FBXO4: variants seen among roughly 807,000 people sequenced by gnomAD.
FBXO4 encodes F-box protein 4.
In FBXO4, 36 loss-of-function variants were observed where a neutral mutation model predicts 43.7. The ratio of observed to expected loss-of-function variants is 0.82; its 90% CI spans 0.63 to 1.09. FBXO4 has a LOEUF of 1.09. Among genes scored for constraint, FBXO4 ranks in the 50% least tolerant of loss-of-function variants. The pLI is 0.00. For synonymous variants in FBXO4, 180 were observed against 165.6 expected (o/e 1.09, Z -0.67); for missense variants, 435 against 474.1 (o/e 0.92, Z 0.77).
intron 5 of FBXO4, chr5:41,939,149 T>G: frequency 1.9e-5 from 4 of 213,454 alleles, no homozygotes; most frequent in Non-Finnish European, 2.8e-5. Context: ...AAGGTTGAGA[T>G]TGTTGGTATT....
rs1751899267 is a variant in FBXO4, at chr5:41,938,141, T to G, written c.899-1300T>G. ...ATGGAGCTATATATAAAAGGTTTTTTTCTAATTTTAATAAAAAAAACTAAT... is the reference window on the plus strand; with the variant it reads ...ATGGAGCTATATATAAAAGGTTTTTGTCTAATTTTAATAAAAAAAACTAAT... On this transcript the variant is annotated intron_variant, in intron 5 of 6. Transcript: ENST00000281623. Among the ~76,000 whole-genome samples, 3 of 152,164 alleles carry G rather than the reference T, an allele frequency of 2.0e-5. No homozygotes were observed. In the South Asian group the frequency reaches 6.2e-4, roughly 32 times the overall value.
At chr5:42,019,672 G>A in the FBXO4 span, among the ~76,000 whole-genome samples, 2 of 149,386 alleles carry the variant, frequency 1.3e-5, no homozygotes, top group African/African-American at 4.9e-5. Flanking sequence ...CAGCCTGGGT[G>A]AGACAGAGCA....
chr5:42,006,265 T>C, the FBXO4 span, among the ~76,000 whole-genome samples: 1 of 152,214 alleles, frequency 6.6e-6, no homozygotes, highest in Non-Finnish European at 1.5e-5. Flanking sequence ...CAGAAGTTCT[T>C]CATGGAAATG....
At chr5:41,959,028 G>C in the FBXO4 span, among the ~76,000 whole-genome samples, 1 of 152,094 alleles carries the variant, frequency 6.6e-6, no homozygotes, top group African/African-American at 2.4e-5. Flanking sequence ...ACATACAAAA[G>C]TTCTTTTCTC....
the FBXO4 span, among the ~76,000 whole-genome samples, chr5:42,003,293 G>T: frequency 2.0e-5 from 3 of 152,216 alleles, no homozygotes; most frequent in Non-Finnish European, 4.4e-5. Flanking sequence ...GATGAAGGAT[G>T]CAGTGTTGTA....
At chr5:41,998,322 G>A in the FBXO4 span, among the ~76,000 whole-genome samples, 5 of 152,308 alleles carry the variant, frequency 3.3e-5, no homozygotes, top group African/African-American at 1.2e-4. Context: ...TGCAGGTGCT[G>A]CCCTCACAAA....
the FBXO4 span, among the ~76,000 whole-genome samples, chr5:41,997,543 A>G: frequency 1.3e-5 from 2 of 152,172 alleles, no homozygotes; most frequent in Non-Finnish European, 2.9e-5. Context: ...TGTCTATGCC[A>G]ATTATGCATT....
chr5:41,957,553 A>T, the FBXO4 span, among the ~76,000 whole-genome samples: 2 of 150,772 alleles, frequency 1.3e-5, no homozygotes, highest in African/African-American at 4.9e-5. Flanking sequence ...CAACATAATT[A>T]TGTATCTATT....
the FBXO4 span, among the ~76,000 whole-genome samples, chr5:42,031,714 T>C: frequency 6.6e-6 from 1 of 152,106 alleles, no homozygotes; most frequent in Admixed American, 6.6e-5. Flanking sequence ...GGTGAGGTCA[T>C]GTTTACCTGG....
At chr5:41,965,672 T>C in the FBXO4 span, among the ~76,000 whole-genome samples, 3 of 152,162 alleles carry the variant, frequency 2.0e-5, no homozygotes, top group Non-Finnish European at 4.4e-5. Flanking sequence ...AAACAACAGA[T>C]ACTGGAGAGG....
At chr5:41,945,571 C>G (rs1752066071), downstream of FBXO4, among the ~76,000 whole-genome samples, 1 of 152,142 alleles carries the variant, frequency 6.6e-6, no homozygotes. Context: ...TGCAGAGAGC[C>G]TATGAATGGA....
chr5:41,998,780 T>C, the FBXO4 span, among the ~76,000 whole-genome samples: 1 of 152,192 alleles, frequency 6.6e-6, no homozygotes, highest in South Asian at 2.1e-4. Flanking sequence ...TGCATGCACC[T>C]TTGGTTGCAG....
the FBXO4 span, among the ~76,000 whole-genome samples, chr5:42,005,198 T>C: frequency 6.6e-6 from 1 of 152,164 alleles, no homozygotes; most frequent in Non-Finnish European, 1.5e-5. Context: ...AGAGGACTCA[T>C]CTTCTGATGT....
chr5:42,033,321 C>T, the FBXO4 span, among the ~76,000 whole-genome samples: 4 of 152,104 alleles, frequency 2.6e-5, no homozygotes, highest in African/African-American at 7.2e-5. Context: ...TCTTTATGGC[C>T]TAGACTGCTT....
downstream of FBXO4, among the ~76,000 whole-genome samples, chr5:41,943,576 C>G (rs1218762072): frequency 6.6e-6 from 1 of 152,034 alleles, no homozygotes; most frequent in Non-Finnish European, 1.5e-5. Flanking sequence ...TTCAATGTCA[C>G]TCTCTGAAAT....
chr5:41,968,187 T>A, the FBXO4 span: 2 of 255,980 alleles, frequency 7.8e-6, no homozygotes, highest in Non-Finnish European at 1.6e-5. Context: ...GGCCAGCTGT[T>A]CAGTTGGTGC....
chr5:41,984,542 AGGAGGTGT>A, the FBXO4 span, among the ~76,000 whole-genome samples: 1 of 152,146 alleles, frequency 6.6e-6, no homozygotes, highest in African/African-American at 2.4e-5. Flanking sequence ...TTTCTTTCTG[AGGAGGTGT>A]CAGGAAATTT....
the FBXO4 span, among the ~76,000 whole-genome samples, chr5:42,018,352 A>G: frequency 1.3e-5 from 2 of 151,960 alleles, no homozygotes; most frequent in Admixed American, 1.3e-4. Flanking sequence ...CATGAATGGC[A>G]CAGAAAAATA....
At chr5:41,961,773 TGGA>T in the FBXO4 span, among the ~76,000 whole-genome samples, 1 of 152,174 alleles carries the variant, frequency 6.6e-6, no homozygotes, top group African/African-American at 2.4e-5. Context: ...TCTTGGGTGG[TGGA>T]GAAGTGTGCA....
Sources: allele counts gnomAD v4.1 joint callset (sites outside exome capture counted in the v4.1 genomes callset), GRCh38; gene constraint gnomAD v4.1.1; transcripts MANE v1.5; gene names NCBI Gene and HGNC (gene_info 2026-07-23, HGNC 2026-07-21).